ATP8A1: variants seen among roughly 807,000 people sequenced by gnomAD.
The protein encoded by ATP8A1 is phospholipid-transporting ATPase IA.
A neutral mutation model predicts 177.7 loss-of-function variants in ATP8A1; 90 were observed. That is an observed-to-expected ratio of 0.51 (90% CI 0.43 to 0.60). The LOEUF (loss-of-function observed/expected upper bound fraction) is 0.60. ATP8A1 is among the 20% of genes least tolerant of loss of function. The pLI, the probability that ATP8A1 is intolerant of heterozygous loss-of-function variation, is 0.00. For missense variants in ATP8A1, 1,072 were observed against 1,392.8 expected (o/e 0.77, Z 3.67); for synonymous variants, 493 against 485.9 (o/e 1.01, Z -0.19).
chr4:42,480,234 A>G (rs1252020513), intron 25 of ATP8A1, among the ~76,000 whole-genome samples: 1 of 152,154 alleles, frequency 6.6e-6, no homozygotes, highest in Non-Finnish European at 1.5e-5. Flanking sequence ...AGTTCCTTTA[A>G]TACTACTCAG....
intron 24 of ATP8A1, among the ~76,000 whole-genome samples, chr4:42,499,098 C>CATT (rs1397778438): frequency 2.0e-5 from 3 of 152,162 alleles, no homozygotes; most frequent in Non-Finnish European, 2.9e-5. Context: ...ACTTCTCATA[C>CATT]ATTAGGTGGT....
Position 42,578,250 on chromosome 4 carries a change from T to A in ATP8A1, c.1128+10A>T. On this transcript the variant is annotated intron_variant, in intron 12 of 36. Transcript: ENST00000381668. Reference sequence around the variant, plus strand: ...TTTGTAGGGTGATAACAATCATAATTCATATTTACCCAATTTATGAAGTAT... The same window carrying A: ...TTTGTAGGGTGATAACAATCATAATACATATTTACCCAATTTATGAAGTAT... 6.3e-7 allele frequency: 1 copy of A among 1,583,690 alleles called. No homozygotes were observed. Among genetic ancestry groups the A allele is most frequent in the East Asian group, 2.3e-5 (1 of 43,878 alleles).
rs765171829 is a variant in ATP8A1 at position 42,586,521 on chromosome 4, G to A, written c.595-45C>T. ...AAGCAAAAAGTATATTAAATAAGTTGTATCTGGGCAAAGAGGAGGAATTTT... is the reference window on the plus strand; with the variant it reads ...AAGCAAAAAGTATATTAAATAAGTTATATCTGGGCAAAGAGGAGGAATTTT... On this transcript the variant is annotated intron_variant, in intron 8 of 36. Coordinates refer to ENST00000381668, the MANE Select transcript of ATP8A1 (RefSeq NM_006095.2). 3.8e-6 allele frequency: 6 copies of A among 1,583,640 alleles called. No individual in the cohort carries two copies. In the African/African-American group the frequency reaches 4.1e-5, roughly 11 times the overall value.
At chr4:42,445,245 T>C (rs550076210) in intron 31 of ATP8A1, among the ~76,000 whole-genome samples, 1 of 152,298 alleles carries the variant, frequency 6.6e-6, no homozygotes, top group East Asian at 1.9e-4. Context: ...TGTAACATAA[T>C]TATGAAGTGT....
chr4:42,618,934 C>G (rs1248726198), intron 4 of ATP8A1, among the ~76,000 whole-genome samples: 2 of 152,150 alleles, frequency 1.3e-5, no homozygotes, highest in Non-Finnish European at 2.9e-5. Context: ...ACTGTTAAGC[C>G]AAAAGGATCT....
At chr4:42,498,300 TG>T (rs148916394) in intron 24 of ATP8A1, among the ~76,000 whole-genome samples, 4 of 152,294 alleles carry the variant, frequency 2.6e-5, no homozygotes, top group African/African-American at 9.6e-5. Flanking sequence ...GCATAATACA[TG>T]TAAGTTGAGC....
At chr4:42,485,345 T>C in intron 25 of ATP8A1, 151 bp downstream of exon 25, 3 of 576,960 alleles carry the variant, frequency 5.2e-6, no homozygotes, top group Non-Finnish European at 8.4e-6. Flanking sequence ...ACAAATTCCA[T>C]CCCAGTTTGT....
At chr4:42,526,546 TG>T (rs1726690466) in intron 20 of ATP8A1, among the ~76,000 whole-genome samples, 1 of 152,140 alleles carries the variant, frequency 6.6e-6, no homozygotes, top group African/African-American at 2.4e-5. Context: ...ATGGCAAGAC[TG>T]GCCTAGCCTC....
intron 16 of ATP8A1, among the ~76,000 whole-genome samples, chr4:42,555,565 C>T (rs569788065): frequency 2.1e-4 from 32 of 152,220 alleles, no homozygotes; most frequent in African/African-American, 7.5e-4. Context: ...TGACTCATGC[C>T]TATAATCCCA....
chr4:42,438,681 G>C (rs906906312), intron 33 of ATP8A1, among the ~76,000 whole-genome samples: 4 of 152,090 alleles, frequency 2.6e-5, no homozygotes. Flanking sequence ...TGGACTGAAT[G>C]CAAGGAGGAT....
At chr4:42,427,012 G>A (rs1029396493) in intron 33 of ATP8A1, among the ~76,000 whole-genome samples, 7 of 152,146 alleles carry the variant, frequency 4.6e-5, no homozygotes, top group Non-Finnish European at 8.8e-5. Context: ...TTGGAGGGGA[G>A]TGCAGTAAGA....
chr4:42,555,085 GTATCTATCTATCTATCTATCTATC>G (rs200520162), intron 16 of ATP8A1, among the ~76,000 whole-genome samples: 51 of 119,566 alleles, frequency 4.3e-4, no homozygotes, highest in African/African-American at 1.4e-3. Context: ...CTTTGTGTGT[GTATCTATCTATCTATCTATCTATC>G]TATCTATCTA....
At chr4:42,654,387 A>C (rs1196224478) in intron 1 of ATP8A1, among the ~76,000 whole-genome samples, 1 of 152,150 alleles carries the variant, frequency 6.6e-6, no homozygotes. Flanking sequence ...GGATGAAGGG[A>C]ACAGAAACCC....
chr4:42,540,611 A>G (rs2153205483), intron 20 of ATP8A1, among the ~76,000 whole-genome samples: 1 of 152,292 alleles, frequency 6.6e-6, no homozygotes, highest in Non-Finnish European at 1.5e-5. Context: ...CATAAAGAAT[A>G]ATGACATCAT....
intron 33 of ATP8A1, among the ~76,000 whole-genome samples, chr4:42,428,201 C>T (rs1013283020): frequency 1.3e-5 from 2 of 152,226 alleles, no homozygotes; most frequent in African/African-American, 4.8e-5. Context: ...TTTGTATCAT[C>T]ATTCATATGG....
At chr4:42,459,485 C>T (rs890176085) in intron 27 of ATP8A1, 1 of 323,412 alleles carries the variant, frequency 3.1e-6, no homozygotes, top group Non-Finnish European at 6.2e-6. Context: ...CTTGATAAAT[C>T]TATGTAAATA....
chr4:42,415,489 C>T (rs1216346521), intron 35 of ATP8A1, among the ~76,000 whole-genome samples: 2 of 152,100 alleles, frequency 1.3e-5, no homozygotes, highest in Non-Finnish European at 2.9e-5. Context: ...ACAGTAGAAA[C>T]TCAAATATTT....
chr4:42,481,918 G>A (rs1411536962), intron 25 of ATP8A1, among the ~76,000 whole-genome samples: 1 of 152,224 alleles, frequency 6.6e-6, no homozygotes. Context: ...CTGGGAAAAT[G>A]AATCAGAAAC....
chr4:42,641,545 C>T (rs574701227), intron 1 of ATP8A1, among the ~76,000 whole-genome samples: 1 of 151,828 alleles, frequency 6.6e-6, no homozygotes, highest in Admixed American at 6.6e-5. Flanking sequence ...GAGAGAACCA[C>T]TGATACAGTG....
Sources: allele counts gnomAD v4.1 joint callset (sites outside exome capture counted in the v4.1 genomes callset), GRCh38; gene constraint gnomAD v4.1.1; transcripts MANE v1.5; gene names NCBI Gene and HGNC (gene_info 2026-07-23, HGNC 2026-07-21).